Variants in ZNF273 observed in about 807,000 individuals in gnomAD.
ZNF273 encodes zinc finger protein 9.
ZNF273 carries 11 observed loss-of-function variants against 14.9 expected under a neutral mutation model. The ratio of observed to expected loss-of-function variants is 0.74; its 90% confidence interval spans 0.46 to 1.22. The LOEUF is 1.22. Ranked by LOEUF, ZNF273 falls within the 50% of genes most tolerant of loss-of-function variation. The pLI is 0.00. For missense variants in ZNF273, 577 were observed against 660.6 expected (o/e 0.87, Z 1.39); for synonymous variants, 199 against 223.9 (o/e 0.89, Z 0.99).
chr7:64,920,496 CT>C (rs1794352031), intron 3 of ZNF273, among the ~76,000 whole-genome samples: 1 of 152,154 alleles, frequency 6.6e-6, no homozygotes, highest in African/African-American at 2.4e-5. Flanking sequence ...GTCCGCATGG[CT>C]ATAAATGCAT....
intron 2 of ZNF273, among the ~76,000 whole-genome samples, chr7:64,878,651 G>A (rs1353015075): frequency 6.6e-6 from 1 of 152,192 alleles, no homozygotes; most frequent in African/African-American, 2.4e-5. Flanking sequence ...AAGCAAGGAG[G>A]AATCCAACAT....
Position 64,885,724 on chromosome 7 carries a change from A to G in ZNF273, n.274-2849A>G, listed in dbSNP as rs145260076. 2.5e-3 allele frequency among the ~76,000 whole-genome samples: 375 copies of G among 152,296 alleles called. 4 individuals are homozygous for G. Among genetic ancestry groups the G allele is most frequent in the Admixed American group, 0.022 (340 of 15,298 alleles). ...GACAGGGTCACAAAAGATTCACTGGATATGAGAAGCCCGCCCACGGAAAAG... is the reference window on the plus strand; with the variant it reads ...GACAGGGTCACAAAAGATTCACTGGGTATGAGAAGCCCGCCCACGGAAAAG... On this transcript the variant is annotated intron_variant and non_coding_transcript_variant, in intron 1 of 1. Transcript: ENST00000471926.
intron 1 of ZNF273, among the ~76,000 whole-genome samples, chr7:64,905,799 A>G (rs948867066): frequency 2.6e-5 from 4 of 152,166 alleles, no homozygotes; most frequent in African/African-American, 9.7e-5. Context: ...TCAGTTTTCT[A>G]ATCAGCACTG....
Position 64,903,307 on chromosome 7 carries a change from T to C in ZNF273, c.-11T>C. ...TGCAGTCGCAGCTCCAGGTCTCGTC[T>C]TCACTGCTCTATGTCCTCTGCTCCT... On this transcript the variant is annotated 5_prime_UTR_variant, in exon 1 of 4. Coordinates refer to ENST00000476120, the MANE Select transcript of ZNF273 (RefSeq NM_021148.3). The C allele has an allele frequency of 6.2e-7, 1 of 1,606,344 alleles. No homozygotes were observed. Among genetic ancestry groups the C allele is most frequent in the African/African-American group, 1.3e-5 (1 of 74,802 alleles).
upstream of ZNF273, among the ~76,000 whole-genome samples, chr7:64,902,300 T>G (rs1286147791): frequency 2.0e-5 from 3 of 152,060 alleles, no homozygotes; most frequent in African/African-American, 7.2e-5. Flanking sequence ...AATCTCAGGC[T>G]GCCTGCTTAA....
intron 3 of ZNF273, among the ~76,000 whole-genome samples, chr7:64,896,035 G>A (rs1355907229): frequency 6.6e-6 from 1 of 151,278 alleles, no homozygotes; most frequent in Non-Finnish European, 1.5e-5. Context: ...TTTTGAGACG[G>A]AGTCTCACTC....
At chr7:64,921,637 T>TTTTTG (rs750737426) in intron 3 of ZNF273, among the ~76,000 whole-genome samples, 4 of 29,578 alleles carry the variant, frequency 1.4e-4, no homozygotes, top group African/African-American at 6.2e-4. Flanking sequence ...TTTTTTTTTT[T>TTTTTG]GTGTGTGAGA....
intron 3 of ZNF273, chr7:64,924,048 A>G (rs932665895): frequency 6.6e-6 from 1 of 151,948 alleles, no homozygotes; most frequent in African/African-American, 2.4e-5. Context: ...TGTAGATTAC[A>G]TTGAGCAGTA....
At chr7:64,901,415 G>A (rs1646032401), upstream of ZNF273, among the ~76,000 whole-genome samples, 1 of 152,218 alleles carries the variant, frequency 6.6e-6, no homozygotes, top group African/African-American at 2.4e-5. Context: ...CAGACATGCT[G>A]ATTTTATTAG....
chr7:64,916,977 T>A, intron 1 of ZNF273: 2 of 1,230,300 alleles, frequency 1.6e-6, no homozygotes, highest in South Asian at 2.8e-5. Flanking sequence ...TTCTTAGGTT[T>A]CCTTTGTATA....
At chr7:64,898,677 T>G (rs114059275), upstream of ZNF273, among the ~76,000 whole-genome samples, 1,396 of 152,346 alleles carry the variant, frequency 9.2e-3, 16 homozygotes, top group African/African-American at 0.032. Context: ...ATGTTCCTAG[T>G]AATCCCTCTG....
chr7:64,881,334 G>A (rs187278572), downstream of ZNF273, among the ~76,000 whole-genome samples: 205 of 152,342 alleles, frequency 1.3e-3, no homozygotes, highest in Non-Finnish European at 2.4e-3. Flanking sequence ...TGGCTCAAAG[G>A]CTTCCACAGG....
Position 64,928,916 on chromosome 7 carries a change from A to G in ZNF273, c.1588A>G (p.Thr530Ala). Residue 530 changes from threonine to alanine, a missense_variant, in exon 4 of 4, where the codon ACT (threonine) becomes GCT (alanine). Coordinates refer to ENST00000476120, the MANE Select transcript of ZNF273 (RefSeq NM_021148.3). ...GKAFNRSSNL[T>A]RHKKIHTGEK... ...AGCTTTTAACCGGTCCTCAAACCTT[A>G]CTCGACATAAGAAAATTCATACTGG... The G allele has an allele frequency of 1.2e-6, 2 of 1,613,944 alleles. No individual in the cohort carries two copies. The highest frequency in any genetic ancestry group is 1.7e-6 in the Non-Finnish European group (2 of 1,179,912).
chr7:64,893,175 ACTGT>A (rs1167705847), downstream of ZNF273, among the ~76,000 whole-genome samples: 6 of 152,146 alleles, frequency 3.9e-5, no homozygotes, highest in Admixed American at 1.3e-4. Context: ...TTTTATGCTC[ACTGT>A]CTGTCAAATA....
upstream of ZNF273, among the ~76,000 whole-genome samples, chr7:64,899,860 A>T (rs1792581634): frequency 6.6e-6 from 1 of 150,680 alleles, no homozygotes; most frequent in Admixed American, 6.6e-5. Flanking sequence ...TCCCGGTTTC[A>T]AGTGATTCTC....
downstream of ZNF273, among the ~76,000 whole-genome samples, chr7:64,932,848 G>C (rs1289254336): frequency 6.6e-6 from 1 of 152,142 alleles, no homozygotes; most frequent in East Asian, 1.9e-4. Context: ...TTTGAACGCG[G>C]GAGTAACGTT....
At chr7:64,922,970 T>TC (rs1794574179) in intron 3 of ZNF273, among the ~76,000 whole-genome samples, 1 of 151,098 alleles carries the variant, frequency 6.6e-6, no homozygotes, top group African/African-American at 2.4e-5. Flanking sequence ...TGTCTCAAAA[T>TC]TAAAAAAAAA....
downstream of ZNF273, among the ~76,000 whole-genome samples, chr7:64,891,170 A>G (rs1390732161): frequency 6.6e-6 from 1 of 152,164 alleles, no homozygotes; most frequent in African/African-American, 2.4e-5. Flanking sequence ...TGGACAAGTT[A>G]TGACTTTGGT....
chr7:64,930,354 A>G lies in ZNF273; in HGVS notation c.*1316A>G, dbSNP rs1285762524. On this transcript the variant is annotated 3_prime_UTR_variant, in exon 4 of 4. Coordinates refer to ENST00000476120, the MANE Select transcript of ZNF273 (RefSeq NM_021148.3). The stretch of plus-strand genomic sequence containing the variant: ...AGAGAGGCTCTTGTGGTTAACTGAT[A>G]ATATTGAGTGATGCATGAGGTAGGT... 6.6e-6 allele frequency: 1 copy of G among 152,232 alleles called. No homozygotes were observed. The highest frequency in any genetic ancestry group is 1.5e-5 in the Non-Finnish European group (1 of 68,026). The allele number at this position is 152,232 out of a possible 1,614,324, so 9.4% of individuals were successfully genotyped here. A position where few individuals can be genotyped will look rare whatever the true frequency, so the allele number is the denominator to read the frequency against.
Sources: gnomAD v4.1 joint callset for allele counts (sites outside exome capture counted in the v4.1 genomes callset) on GRCh38, gnomAD v4.1.1 for gene constraint, MANE v1.5 for transcripts, NCBI Gene and HGNC (gene_info 2026-07-23, HGNC 2026-07-21) for gene names.